RYK: variants seen among roughly 807,000 people sequenced by gnomAD.
RYK encodes receptor like tyrosine kinase.
Under a neutral mutation model 70.2 loss-of-function variants are expected in RYK, and 21 were observed. The ratio of observed to expected loss-of-function variants is 0.30; its 90% CI spans 0.21 to 0.43. The LOEUF (loss-of-function observed/expected upper bound fraction) is 0.43. Among genes scored for constraint, RYK ranks in the 20% least tolerant of loss-of-function variants. The pLI, the probability that RYK is intolerant of heterozygous loss-of-function variation, is 1.00. For missense variants in RYK, 604 were observed against 753.3 expected (o/e 0.80, Z 2.32); for synonymous variants, 267 against 278.0 (o/e 0.96, Z 0.39).
At chr3:134,167,453 C>G (rs1193976879) in intron 13 of RYK, among the ~76,000 whole-genome samples, 1 of 152,168 alleles carries the variant, frequency 6.6e-6, no homozygotes, top group Non-Finnish European at 1.5e-5. Context: ...ACATCTACAA[C>G]TATCTGATCT....
intron 9 of RYK, among the ~76,000 whole-genome samples, chr3:134,184,137 C>A (rs2013388106): frequency 6.6e-6 from 1 of 152,024 alleles, no homozygotes; most frequent in Admixed American, 6.5e-5. Context: ...TAAAAACAAA[C>A]AAAAAGAACT....
intron 1 of RYK, among the ~76,000 whole-genome samples, chr3:134,244,172 C>T (rs1435097604): frequency 6.6e-6 from 1 of 152,148 alleles, no homozygotes; most frequent in African/African-American, 2.4e-5. Context: ...TCACCACCAC[C>T]ACTGTTGGCA....
At chr3:134,180,145 G>C (rs2013246823) in intron 10 of RYK, 1 of 152,088 alleles carries the variant, frequency 6.6e-6, no homozygotes, top group Non-Finnish European at 1.5e-5. Context: ...TTTGCAGAGG[G>C]AGAGCTGTGA....
chr3:134,192,572 C>T (rs535743431), intron 7 of RYK, among the ~76,000 whole-genome samples: 1 of 152,052 alleles, frequency 6.6e-6, no homozygotes, highest in South Asian at 2.1e-4. Flanking sequence ...TAATAAGTTC[C>T]CTTAATTCCC....
intron 1 of RYK, among the ~76,000 whole-genome samples, chr3:134,237,902 C>A (rs181340431): frequency 1.9e-3 from 296 of 152,240 alleles, no homozygotes; most frequent in African/African-American, 6.8e-3. Flanking sequence ...ATTCTGAGGA[C>A]AGTGGTAATA....
At chr3:134,195,243 T>C (rs2013776991) in intron 6 of RYK, 61 bp from the exon 7 acceptor site, 8 of 1,227,480 alleles carry the variant, frequency 6.5e-6, no homozygotes, top group Non-Finnish European at 8.4e-6. Flanking sequence ...ATTTCCTTTT[T>C]CCATACATAC....
At chr3:134,186,356 C>T (rs1449419340) in intron 9 of RYK, among the ~76,000 whole-genome samples, 1 of 152,196 alleles carries the variant, frequency 6.6e-6, no homozygotes, top group Non-Finnish European at 1.5e-5. Flanking sequence ...TCAGTGCTTT[C>T]TAAAACACTG....
chr3:134,218,015 G>A (rs941800114), intron 2 of RYK, among the ~76,000 whole-genome samples: 6 of 152,058 alleles, frequency 3.9e-5, no homozygotes, highest in Admixed American at 2.0e-4. Flanking sequence ...ATCGTAAGAC[G>A]GTTACTTTCC....
At chr3:134,163,360 C>T (rs1374683658) in intron 13 of RYK, among the ~76,000 whole-genome samples, 2 of 152,176 alleles carry the variant, frequency 1.3e-5, no homozygotes, top group African/African-American at 4.8e-5. Flanking sequence ...TCTATAATTT[C>T]CTTCTGTTTG....
chr3:134,250,386 C>T (rs1195268220), intron 1 of RYK, 37 bp downstream of exon 1: 2 of 1,324,060 alleles, frequency 1.5e-6, no homozygotes, highest in Admixed American at 6.3e-5. Context: ...CCCAGCCGGC[C>T]CGACCTGCCC....
chr3:134,189,676 G>A (rs1169359038), intron 8 of RYK, among the ~76,000 whole-genome samples: 1 of 149,276 alleles, frequency 6.7e-6, no homozygotes, highest in Non-Finnish European at 1.5e-5. Context: ...CCGGGAGGTG[G>A]AGCCTGCAGT....
intron 1 of RYK, among the ~76,000 whole-genome samples, chr3:134,249,106 GAT>G (rs1302931386): frequency 1.3e-5 from 2 of 152,088 alleles, no homozygotes; most frequent in African/African-American, 4.8e-5. Flanking sequence ...AAATTAATGT[GAT>G]ATGAGTCGTC....
intron 7 of RYK, among the ~76,000 whole-genome samples, chr3:134,194,842 A>G (rs1436262630): frequency 1.3e-5 from 2 of 152,194 alleles, no homozygotes; most frequent in Admixed American, 1.3e-4. Flanking sequence ...TAATAAATCT[A>G]TGGAAATCTC....
chr3:134,167,573 G>A (rs1302287209), intron 13 of RYK, among the ~76,000 whole-genome samples: 4 of 152,214 alleles, frequency 2.6e-5, no homozygotes, highest in Non-Finnish European at 5.9e-5. Context: ...ATAGCCATAT[G>A]TAGAAAGGTG....
At chr3:134,223,960 T>C (rs192222056) in intron 1 of RYK, among the ~76,000 whole-genome samples, 1 of 152,324 alleles carries the variant, frequency 6.6e-6, no homozygotes, top group Admixed American at 6.5e-5. Flanking sequence ...TTCTCGTTTC[T>C]GAACTAGGTG....
chr3:134,245,680 C>T (rs1180594685), intron 1 of RYK, among the ~76,000 whole-genome samples: 1 of 152,112 alleles, frequency 6.6e-6, no homozygotes, highest in Non-Finnish European at 1.5e-5. Context: ...GAACTGTAGC[C>T]AGAAGTCGAA....
chr3:134,219,407 T>C (rs572995380), intron 2 of RYK, among the ~76,000 whole-genome samples: 1 of 152,212 alleles, frequency 6.6e-6, no homozygotes, highest in Non-Finnish European at 1.5e-5. Flanking sequence ...CCACATTGCC[T>C]TTGTACTCAC....
chr3:134,207,808 G>C (rs778099104), intron 4 of RYK, among the ~76,000 whole-genome samples: 60 of 152,172 alleles, frequency 3.9e-4, no homozygotes, highest in Non-Finnish European at 1.5e-4. Flanking sequence ...GAGCTTCACA[G>C]TGAACATTAG....
rs57185535 is a variant in RYK at position 134,196,582 on chromosome 3, AACACACACACACAC to A, written c.789-1414_789-1401del. ...TAGTGAGACCCTGTCTCTGAAACAA[AACACACACACACAC>A]ACACACACACACACACACACACACA... On this transcript the variant is annotated intron_variant, in intron 6 of 14. Transcript: ENST00000623711. Among the ~76,000 whole-genome samples the A allele has an allele frequency of 5.8e-3, 747 of 128,492 alleles. 4 individuals are homozygous for A. The highest frequency in any genetic ancestry group is 0.02 in the African/African-American group (693 of 34,760). The allele number at this position is 128,492 out of a possible 152,430, so 84.3% of individuals were successfully genotyped here.
Sources: gnomAD v4.1 joint callset for allele counts (sites outside exome capture counted in the v4.1 genomes callset) on GRCh38, gnomAD v4.1.1 for gene constraint, MANE v1.5 for transcripts, NCBI Gene and HGNC (gene_info 2026-07-23, HGNC 2026-07-21) for gene names.